The following PPP2R5E variants were observed in gnomAD, a reference collection of about 807,000 sequenced individuals.
PPP2R5E encodes protein phosphatase 2 regulatory subunit B'epsilon, also known as serine/threonine-protein phosphatase 2A 56 kDa regulatory subunit epsilon isoform.
In PPP2R5E, 4 loss-of-function variants were observed where a neutral mutation model predicts 65.3. The ratio of observed to expected loss-of-function variants is 0.06; its 90% confidence interval spans 0.03 to 0.14. PPP2R5E has a LOEUF of 0.14. Ranked by LOEUF, PPP2R5E falls within the 10% of genes least tolerant of loss-of-function variation. The probability of loss-of-function intolerance (pLI) is 1.00; values close to 1 mark genes in which losing one functional copy is unlikely to be tolerated. For synonymous variants in PPP2R5E, 183 were observed against 187.4 expected (o/e 0.98, Z 0.19); for missense variants, 274 against 556.1 (o/e 0.49, Z 5.10).
At chr14:63,531,079 AATT>A (rs1208205859) in intron 2 of PPP2R5E, among the ~76,000 whole-genome samples, 1 of 152,212 alleles carries the variant, frequency 6.6e-6, no homozygotes, top group Non-Finnish European at 1.5e-5. Context: ...AATACAGGAG[AATT>A]TCCTGAACTC....
chr14:63,427,685 T>A (rs1887417182), intron 3 of PPP2R5E, among the ~76,000 whole-genome samples: 1 of 152,078 alleles, frequency 6.6e-6, no homozygotes, highest in Admixed American at 6.6e-5. Flanking sequence ...AAAGTGGCTA[T>A]AAGGACAAAG....
chr14:63,427,612 C>T (rs1374669362), intron 3 of PPP2R5E, among the ~76,000 whole-genome samples: 1 of 151,900 alleles, frequency 6.6e-6, no homozygotes, highest in Non-Finnish European at 1.5e-5. Context: ...AGACCCCCAT[C>T]TCTCTATTAA....
At chr14:63,445,694 T>C (rs986147571) in intron 3 of PPP2R5E, among the ~76,000 whole-genome samples, 2 of 151,980 alleles carry the variant, frequency 1.3e-5, no homozygotes, top group South Asian at 4.2e-4. Flanking sequence ...ATACAAAAAT[T>C]AGCTAAGCGT....
At chr14:63,381,826 T>G (rs1182247426) in intron 13 of PPP2R5E, among the ~76,000 whole-genome samples, 1 of 152,228 alleles carries the variant, frequency 6.6e-6, no homozygotes, top group African/African-American at 2.4e-5. Context: ...TGTGTCATAG[T>G]AGGCTACACC....
At chr14:63,517,815 T>C (rs893501612) in intron 2 of PPP2R5E, among the ~76,000 whole-genome samples, 11 of 152,242 alleles carry the variant, frequency 7.2e-5, no homozygotes, top group African/African-American at 2.7e-4. Flanking sequence ...CCGATGTTAA[T>C]TGCTTCACCT....
chr14:63,411,248 A>C (rs1446333665), intron 5 of PPP2R5E, among the ~76,000 whole-genome samples: 1 of 152,190 alleles, frequency 6.6e-6, no homozygotes, highest in Admixed American at 6.5e-5. Context: ...AACCAAAATT[A>C]AGAAATGCAG....
intron 11 of PPP2R5E, among the ~76,000 whole-genome samples, chr14:63,385,720 A>G (rs1483603576): frequency 6.6e-6 from 1 of 152,186 alleles, no homozygotes; most frequent in East Asian, 1.9e-4. Flanking sequence ...GTGAGGACAC[A>G]GAGACTCAGG....
rs73278629 is a variant in PPP2R5E at position 63,515,362 on chromosome 14, A to G, written c.157+24167T>C. Among the ~76,000 whole-genome samples, 781 of 152,358 alleles carry G rather than the reference A, an allele frequency of 5.1e-3. 6 individuals are homozygous for G. The highest frequency in any genetic ancestry group is 0.018 in the African/African-American group (746 of 41,580). On this transcript the variant is annotated intron_variant, in intron 2 of 13. Coordinates refer to ENST00000337537, the MANE Select transcript of PPP2R5E (RefSeq NM_006246.5). Reference sequence around the variant, plus strand: ...CTCGAGGTAGAATAGAAACTTCAGCATCTACCAAGTCAAGAAGATAACTTG... The same window carrying G: ...CTCGAGGTAGAATAGAAACTTCAGCGTCTACCAAGTCAAGAAGATAACTTG...
chr14:63,532,166 C>G (rs1345481823), intron 2 of PPP2R5E, among the ~76,000 whole-genome samples: 2 of 152,054 alleles, frequency 1.3e-5, no homozygotes, highest in African/African-American at 4.8e-5. Context: ...TAAATCCAAC[C>G]AAGGATTTAA....
intron 2 of PPP2R5E, among the ~76,000 whole-genome samples, chr14:63,499,752 C>A (rs1251813273): frequency 1.3e-5 from 2 of 151,704 alleles, no homozygotes; most frequent in African/African-American, 2.4e-5. Flanking sequence ...AGAAAGAAAC[C>A]AAGGAATTTT....
In PPP2R5E at chr14:63,537,787, T is replaced by G. The variant is rs922325470; in HGVS notation, c.157+1742A>C. On this transcript the variant is annotated intron_variant, in intron 2 of 13. Coordinates refer to ENST00000337537, the MANE Select transcript of PPP2R5E (RefSeq NM_006246.5). ...CCAAGCCACACTAAAGCTCATTGTG[T>G]TGTTCATATCCCCTTTCTCCCATTC... 5.3e-5 allele frequency among the ~76,000 whole-genome samples: 8 copies of G among 152,310 alleles called. 1 individual carries two copies. Among genetic ancestry groups the G allele is most frequent in the Middle Eastern group, 6.8e-3 (2 of 294 alleles).
rs1366015514 is a variant in PPP2R5E at position 63,373,092 on chromosome 14, C to T, written c.*2917G>A. 2 of 152,096 alleles carry T rather than the reference C, an allele frequency of 1.3e-5. No individual in the cohort carries two copies. The highest frequency in any genetic ancestry group is 2.4e-5 in the African/African-American group (1 of 41,416). The allele number at this position is 152,096 out of a possible 1,614,324, so 9.4% of individuals were successfully genotyped here. A position where few individuals can be genotyped will look rare whatever the true frequency, so the allele number is the denominator to read the frequency against. On this transcript the variant is annotated 3_prime_UTR_variant, in exon 14 of 14. Transcript: ENST00000337537. ...AGTATGAGATGGGTGAATTCACTCA[C>T]ATAGTTGTTCTAGGCCCACAGCCTA...
rs559238789 is a variant in PPP2R5E, at chr14:63,453,890, G to GA, written c.158-6dup. 5.5e-4 allele frequency: 773 copies of GA among 1,400,252 alleles called. No homozygotes were observed. Among genetic ancestry groups the GA allele is most frequent in the South Asian group, 2.5e-3 (134 of 54,044 alleles). 86.7% of individuals were successfully genotyped at this position (1,400,252 alleles called of 1,614,324 possible). A position where few individuals can be genotyped will look rare whatever the true frequency, so the allele number is the denominator to read the frequency against. ...GCTGCTCTGAGGATGGAACGTCTAA[G>GA]AAAAAAAAAGGAAATGGTGTAAGTC... is the stretch of plus-strand genomic sequence containing the variant. On this transcript the variant is annotated splice_region_variant and splice_polypyrimidine_tract_variant and intron_variant, in intron 2 of 13. Transcript: ENST00000337537.
chr14:63,532,032 A>C (rs1374660701), intron 2 of PPP2R5E, among the ~76,000 whole-genome samples: 3 of 152,178 alleles, frequency 2.0e-5, no homozygotes, highest in Non-Finnish European at 4.4e-5. Context: ...AGATCAATAG[A>C]TCTTAACCCG....
At chr14:63,539,126 TA>T in intron 2 of PPP2R5E, among the ~76,000 whole-genome samples, 1 of 152,188 alleles carries the variant, frequency 6.6e-6, no homozygotes, top group Non-Finnish European at 1.5e-5. Flanking sequence ...CCATTTTCTA[TA>T]TGTAAATTAA....
At chr14:63,421,051 TCAAAAAAAAAAAAAAAAAAA>T (rs1886990700) in intron 4 of PPP2R5E, among the ~76,000 whole-genome samples, 1 of 14,318 alleles carries the variant, frequency 7.0e-5, no homozygotes, top group African/African-American at 5.5e-4. Flanking sequence ...AGACTCCGTC[TCAAAAAAAAAAAAAAAAAAA>T]AAAAAAAAAA....
In PPP2R5E at chr14:63,430,377, G is replaced by GCATGCATACATACATA. The variant is rs1887587508; in HGVS notation, c.355-8284_355-8283insTATGTATGTATGCATG. Among the ~76,000 whole-genome samples, 3 of 137,024 alleles carry GCATGCATACATACATA rather than the reference G, an allele frequency of 2.2e-5. No individual in the cohort carries two copies. The East Asian group carries it at 7.0e-4, about 32-fold the overall frequency. The allele number at this position is 137,024 out of a possible 152,430, so 89.9% of individuals were successfully genotyped here. On this transcript the variant is annotated intron_variant, in intron 3 of 13. Coordinates refer to ENST00000337537, the MANE Select transcript of PPP2R5E (RefSeq NM_006246.5). ...TACATACATACATACATACATGCAT[G>GCATGCATACATACATA]CATACATACATACATACATACATGC...
At chr14:63,496,682 T>C (rs948882775) in intron 2 of PPP2R5E, among the ~76,000 whole-genome samples, 1 of 152,142 alleles carries the variant, frequency 6.6e-6, no homozygotes, top group African/African-American at 2.4e-5. Flanking sequence ...TGCAGTCAAA[T>C]TTAAATGATT....
At chr14:63,480,630 G>A (rs1890649706) in intron 2 of PPP2R5E, among the ~76,000 whole-genome samples, 2 of 152,088 alleles carry the variant, frequency 1.3e-5, no homozygotes, top group Admixed American at 1.3e-4. Flanking sequence ...ATTTTTGGTA[G>A]ACATAGGGAC....
Sources: allele counts gnomAD v4.1 joint callset (sites outside exome capture counted in the v4.1 genomes callset), GRCh38; gene constraint gnomAD v4.1.1; transcripts MANE v1.5; gene names NCBI Gene and HGNC (gene_info 2026-07-23, HGNC 2026-07-21).